The following HSD17B12 variants were observed in gnomAD, a reference collection of about 807,000 sequenced individuals.
The protein encoded by HSD17B12 is hydroxysteroid 17-beta dehydrogenase 12, also known as very-long-chain 3-oxoacyl-CoA reductase.
Under a neutral mutation model 39.3 loss-of-function variants are expected in HSD17B12, and 32 were observed. The observed-to-expected ratio is 0.81, with a 90% CI of 0.61 to 1.09. The LOEUF is 1.09. Among genes scored for constraint, HSD17B12 ranks in the 50% least tolerant of loss-of-function variants. The pLI is 0.00. For missense variants in HSD17B12, 342 were observed against 382.9 expected, an observed-to-expected ratio of 0.89 and a Z score of 0.89; for synonymous variants, 150 against 146.7, an observed-to-expected ratio of 1.02 and a Z score of -0.16.
At chr11:43,589,168 C>CT in the HSD17B12 span, among the ~76,000 whole-genome samples, 1 of 152,120 alleles carries the variant, frequency 6.6e-6, no homozygotes, top group South Asian at 2.1e-4. Flanking sequence ...ATAATGTTTT[C>CT]TTTTTCCTTT....
At chr11:43,752,965 C>G (rs1452331701) in intron 2 of HSD17B12, among the ~76,000 whole-genome samples, 2 of 151,894 alleles carry the variant, frequency 1.3e-5, no homozygotes, top group African/African-American at 4.8e-5. Flanking sequence ...CTTAATAAAC[C>G]CTGACTTTAG....
intron 3 of HSD17B12, among the ~76,000 whole-genome samples, chr11:43,775,293 T>C (rs770287892): frequency 8.5e-5 from 13 of 152,094 alleles, no homozygotes; most frequent in Non-Finnish European, 1.8e-4. Flanking sequence ...TACATATATA[T>C]TGTTCTAAAC....
the HSD17B12 span, among the ~76,000 whole-genome samples, chr11:43,637,232 T>C: frequency 6.9e-6 from 1 of 145,748 alleles, no homozygotes; most frequent in African/African-American, 2.6e-5. Flanking sequence ...TTTTTTTTTT[T>C]TTTTTTGAGA....
chr11:43,628,519 G>T, the HSD17B12 span, among the ~76,000 whole-genome samples: 1 of 152,074 alleles, frequency 6.6e-6, no homozygotes, highest in Non-Finnish European at 1.5e-5. Context: ...GATTTTGTCT[G>T]CAGAGCTGTG....
intron 6 of HSD17B12, among the ~76,000 whole-genome samples, chr11:43,821,692 G>A (rs958342173): frequency 7.9e-5 from 12 of 152,148 alleles, no homozygotes; most frequent in East Asian, 7.7e-4. Context: ...GAGAAGTGCC[G>A]CGTCTCCAGA....
intron 9 of HSD17B12, among the ~76,000 whole-genome samples, chr11:43,843,933 G>A (rs762879477): frequency 9.9e-5 from 15 of 152,092 alleles, no homozygotes; most frequent in Non-Finnish European, 1.5e-4. Flanking sequence ...TGTGGTAAAC[G>A]GGAGACCCAC....
chr11:43,685,239 A>G lies in HSD17B12; in HGVS notation c.160+4252A>G, dbSNP rs150053583. 1.7e-3 allele frequency among the ~76,000 whole-genome samples: 256 copies of G among 152,080 alleles called. 3 individuals are homozygous for G. The highest frequency in any genetic ancestry group is 0.014 in the Middle Eastern group (4 of 294). On this transcript the variant is annotated intron_variant, in intron 1 of 10. Transcript: ENST00000278353. Reference sequence around the variant, plus strand: ...TAGATAGTGAGGACTTAAAAATGGCATGGAATGGTGTGGTTCTCCTCTGGA... The same window carrying G: ...TAGATAGTGAGGACTTAAAAATGGCGTGGAATGGTGTGGTTCTCCTCTGGA...
chr11:43,794,271 C>A (rs1298202233), intron 3 of HSD17B12, among the ~76,000 whole-genome samples: 2 of 152,118 alleles, frequency 1.3e-5, no homozygotes, highest in African/African-American at 4.8e-5. Flanking sequence ...TCATGGAATT[C>A]TTTAAGTCTT....
chr11:43,767,142 G>A (rs769575920), intron 3 of HSD17B12, among the ~76,000 whole-genome samples: 3 of 151,682 alleles, frequency 2.0e-5, no homozygotes, highest in Admixed American at 1.3e-4. Context: ...TGTTTGTATG[G>A]TTTCTTTAAA....
At chr11:43,615,752 T>G in the HSD17B12 span, among the ~76,000 whole-genome samples, 4 of 152,202 alleles carry the variant, frequency 2.6e-5, no homozygotes, top group Non-Finnish European at 1.5e-5. Context: ...TGCTAATTAC[T>G]CCATCACAGC....
At chr11:43,788,125 C>T (rs557014795) in intron 3 of HSD17B12, among the ~76,000 whole-genome samples, 1 of 151,702 alleles carries the variant, frequency 6.6e-6, no homozygotes, top group South Asian at 2.1e-4. Flanking sequence ...TGGTGGGTTA[C>T]AAGAATATCT....
In HSD17B12 at chr11:43,855,179, T is replaced by C; in HGVS notation, c.870T>C (p.Tyr290=). The C allele has an allele frequency of 6.2e-7, 1 of 1,611,774 alleles. No individual in the cohort carries two copies. The highest frequency in any genetic ancestry group is 1.1e-5 in the South Asian group (1 of 90,528). ...SIISNLPSWI[Y]LKIVMNMNKS... is the part of the protein sequence containing the mutation. ...TCTCAAACCTGCCTTCTTGGATTTA[T>C]TTGAAAATAGTCATGAATATGAACA... The change falls in exon 11 of 11, where the codon TAT becomes TAC. Residue 290 remains tyrosine, a synonymous_variant. Transcript: ENST00000278353.
intron 1 of HSD17B12, among the ~76,000 whole-genome samples, chr11:43,725,964 A>G (rs1022691231): frequency 1.3e-5 from 2 of 152,086 alleles, no homozygotes; most frequent in Non-Finnish European, 2.9e-5. Flanking sequence ...TGAACGCAAG[A>G]TTTTTCTCAG....
At chr11:43,722,899 A>G (rs190357042) in intron 1 of HSD17B12, among the ~76,000 whole-genome samples, 1 of 152,252 alleles carries the variant, frequency 6.6e-6, no homozygotes, top group African/African-American at 2.4e-5. Context: ...AAGTCACTGA[A>G]GGAATTGAAC....
intron 3 of HSD17B12, among the ~76,000 whole-genome samples, chr11:43,784,661 G>T (rs971419364): frequency 6.6e-6 from 1 of 152,132 alleles, no homozygotes; most frequent in Non-Finnish European, 1.5e-5. Flanking sequence ...ATTTGAAGGA[G>T]CAAGGGTAAT....
Position 43,832,262 on chromosome 11 carries a change from C to G in HSD17B12, c.536+1252C>G, listed in dbSNP as rs147078597. On this transcript the variant is annotated intron_variant, in intron 7 of 10. Coordinates refer to ENST00000278353, the MANE Select transcript of HSD17B12 (RefSeq NM_016142.3). ...GGAGGGATTAAATTTGGGCCATCACCTTAATCCTAGTTTTGACATCTGCAG... is the reference window on the plus strand; with the variant it reads ...GGAGGGATTAAATTTGGGCCATCACGTTAATCCTAGTTTTGACATCTGCAG... Among the ~76,000 whole-genome samples the G allele has an allele frequency of 2.0e-5, 3 of 152,196 alleles. No homozygotes were observed. The East Asian group carries it at 5.8e-4, about 29-fold the overall frequency.
At chr11:43,655,499 T>C in the HSD17B12 span, among the ~76,000 whole-genome samples, 150,385 of 151,802 alleles carry the variant, frequency 0.99, 74,510 homozygotes, top group Middle Eastern at 1. Flanking sequence ...TCAAAGGGAA[T>C]GCTTCCAGTT....
the HSD17B12 span, among the ~76,000 whole-genome samples, chr11:43,568,882 T>C: frequency 1.3e-5 from 2 of 152,228 alleles, no homozygotes; most frequent in Admixed American, 6.5e-5. Flanking sequence ...TAGTTCATAA[T>C]TGAGCTTCCT....
chr11:43,791,898 T>C lies in HSD17B12; in HGVS notation c.284-6422T>C, dbSNP rs184493805. 7.0e-4 allele frequency among the ~76,000 whole-genome samples: 107 copies of C among 152,362 alleles called. 2 individuals carry two copies. Among genetic ancestry groups the C allele is most frequent in the Admixed American group, 6.4e-3 (98 of 15,304 alleles). ...TTTGAGATAGAATCCTGATGAGCTA[T>C]GATTAATTTTTTGGAAAATGGGTCT... On this transcript the variant is annotated intron_variant, in intron 3 of 10. Coordinates refer to ENST00000278353, the MANE Select transcript of HSD17B12 (RefSeq NM_016142.3).
Sources: gnomAD v4.1 joint callset for allele counts (sites outside exome capture counted in the v4.1 genomes callset) on GRCh38, gnomAD v4.1.1 for gene constraint, MANE v1.5 for transcripts, NCBI Gene and HGNC (gene_info 2026-07-23, HGNC 2026-07-21) for gene names.